CLDN10: variants seen among roughly 807,000 people sequenced by gnomAD.
The protein encoded by CLDN10 is claudin 10.
Under a neutral mutation model 22.9 loss-of-function variants are expected in CLDN10, and 15 were observed. The observed-to-expected ratio is 0.65, with a 90% CI of 0.44 to 1.01. CLDN10 has a LOEUF of 1.01. Ranked by LOEUF, CLDN10 falls within the 50% of genes least tolerant of loss-of-function variation. The probability of loss-of-function intolerance (pLI) is 0.00; values close to 1 mark genes in which losing one functional copy is unlikely to be tolerated. For synonymous variants in CLDN10, 114 were observed against 111.4 expected, an observed-to-expected ratio of 1.02 and a Z score of -0.15; for missense variants, 247 against 287.8, an observed-to-expected ratio of 0.86 and a Z score of 1.03.
intron 1 of CLDN10, among the ~76,000 whole-genome samples, chr13:95,478,765 A>G (rs1440646602): frequency 6.6e-6 from 1 of 152,196 alleles, no homozygotes; most frequent in Non-Finnish European, 1.5e-5. Flanking sequence ...GTTCATCACT[A>G]ACTTGTGACA....
chr13:95,555,494 G>A (rs1295505567), intron 1 of CLDN10, among the ~76,000 whole-genome samples: 1 of 151,968 alleles, frequency 6.6e-6, no homozygotes, highest in Non-Finnish European at 1.5e-5. Flanking sequence ...TTTCTTTGTG[G>A]TTTCGATGAT....
chr13:95,456,878 A>G (rs1367076885), intron 1 of CLDN10, among the ~76,000 whole-genome samples: 3 of 152,260 alleles, frequency 2.0e-5, no homozygotes, highest in Admixed American at 1.3e-4. Flanking sequence ...TATTTTGTCT[A>G]TTCTCCAAGG....
chr13:95,492,610 AG>A (rs1267344001), intron 1 of CLDN10, among the ~76,000 whole-genome samples: 1 of 152,124 alleles, frequency 6.6e-6, no homozygotes, highest in Non-Finnish European at 1.5e-5. Flanking sequence ...GTGGAAGAAA[AG>A]GGCTTCAGTT....
upstream of CLDN10, among the ~76,000 whole-genome samples, chr13:95,548,728 T>C (rs185162346): frequency 2.8e-4 from 42 of 152,368 alleles, no homozygotes; most frequent in Admixed American, 1.0e-3. Context: ...GTAACAATAC[T>C]TGGCTCCTGG....
chr13:95,559,311 C>T (rs935790321), intron 1 of CLDN10, among the ~76,000 whole-genome samples: 2 of 152,162 alleles, frequency 1.3e-5, no homozygotes, highest in African/African-American at 4.8e-5. Context: ...ACCGTGTACC[C>T]TGGCTGTGCA....
chr13:95,515,239 C>G (rs563552773), intron 1 of CLDN10, among the ~76,000 whole-genome samples: 1 of 152,178 alleles, frequency 6.6e-6, no homozygotes, highest in East Asian at 1.9e-4. Flanking sequence ...CATTCTCTCA[C>G]CCACGATGGA....
At chr13:95,468,610 C>A (rs1388204097) in intron 1 of CLDN10, among the ~76,000 whole-genome samples, 6 of 152,102 alleles carry the variant, frequency 3.9e-5, no homozygotes, top group Non-Finnish European at 8.8e-5. Context: ...CTTGTAATCC[C>A]AGCTACTTGG....
chr13:95,523,888 G>A (rs919884362), intron 1 of CLDN10, among the ~76,000 whole-genome samples: 7 of 152,158 alleles, frequency 4.6e-5, no homozygotes, highest in East Asian at 3.8e-4. Flanking sequence ...TGAGATGACC[G>A]TATCACTTCC....
chr13:95,458,873 T>C (rs2042508062), intron 1 of CLDN10, among the ~76,000 whole-genome samples: 1 of 152,142 alleles, frequency 6.6e-6, no homozygotes, highest in South Asian at 2.1e-4. Context: ...CTGAAACAAG[T>C]CAAGTACCTT....
intron 1 of CLDN10, among the ~76,000 whole-genome samples, chr13:95,554,964 A>C (rs1441153349): frequency 1.3e-5 from 2 of 151,954 alleles, no homozygotes; most frequent in Non-Finnish European, 2.9e-5. Flanking sequence ...TTTAATATTC[A>C]GTTCATACTG....
chr13:95,456,076 T>G (rs924329447), intron 1 of CLDN10, among the ~76,000 whole-genome samples: 1 of 152,220 alleles, frequency 6.6e-6, no homozygotes, highest in African/African-American at 2.4e-5. Context: ...TAAAAATGAC[T>G]GCATCAGGCC....
At chr13:95,541,445 A>G (rs1049827059) in intron 1 of CLDN10, among the ~76,000 whole-genome samples, 2 of 152,186 alleles carry the variant, frequency 1.3e-5, no homozygotes. Flanking sequence ...TGCTAGCTGC[A>G]TATGTGTACA....
At chr13:95,522,617 C>CT in intron 1 of CLDN10, among the ~76,000 whole-genome samples, 1 of 152,050 alleles carries the variant, frequency 6.6e-6, no homozygotes, top group African/African-American at 2.4e-5. Context: ...TTTCTCAAGC[C>CT]TTATATATCT....
chr13:95,477,455 A>T (rs1482508699), intron 1 of CLDN10, among the ~76,000 whole-genome samples: 1 of 152,126 alleles, frequency 6.6e-6, no homozygotes, highest in Non-Finnish European at 1.5e-5. Flanking sequence ...TCATTTGAAA[A>T]GCATATCACC....
chr13:95,439,171 G>T (rs184755836), intron 1 of CLDN10, among the ~76,000 whole-genome samples: 1 of 152,034 alleles, frequency 6.6e-6, no homozygotes, highest in Non-Finnish European at 1.5e-5. Flanking sequence ...ACCATAAACT[G>T]GGTAATTCAC....
At chr13:95,572,718 T>C (rs1159408668) in intron 3 of CLDN10, among the ~76,000 whole-genome samples, 2 of 152,216 alleles carry the variant, frequency 1.3e-5, no homozygotes, top group African/African-American at 2.4e-5. Context: ...ATCAGTTTAA[T>C]GTCTGACTAT....
At chr13:95,443,536 A>T (rs958652468) in intron 1 of CLDN10, among the ~76,000 whole-genome samples, 1 of 152,196 alleles carries the variant, frequency 6.6e-6, no homozygotes, top group Non-Finnish European at 1.5e-5. Context: ...AACCACGGTC[A>T]TTCAGGAGCT....
intron 1 of CLDN10, among the ~76,000 whole-genome samples, chr13:95,536,604 A>G (rs1012362078): frequency 5.3e-5 from 8 of 152,224 alleles, no homozygotes; most frequent in African/African-American, 1.7e-4. Context: ...ATTTCTCAAC[A>G]CATCTTGATT....
intron 1 of CLDN10, among the ~76,000 whole-genome samples, chr13:95,554,082 G>C (rs868779095): frequency 6.6e-6 from 1 of 152,200 alleles, no homozygotes; most frequent in African/African-American, 2.4e-5. Context: ...AGAGCAAACT[G>C]TTGCTCAACG....
Sources: allele counts gnomAD v4.1 joint callset (sites outside exome capture counted in the v4.1 genomes callset), GRCh38; gene constraint gnomAD v4.1.1; transcripts MANE v1.5; gene names NCBI Gene and HGNC (gene_info 2026-07-23, HGNC 2026-07-21).